The following ABCC9 variants were observed in gnomAD, a reference collection of about 807,000 sequenced individuals.
The protein encoded by ABCC9 is ATP-binding cassette sub-family C member 9.
Under a neutral mutation model 188.3 loss-of-function variants are expected in ABCC9, and 95 were observed. The observed-to-expected ratio is 0.50, with a 90% CI of 0.43 to 0.60. The LOEUF (loss-of-function observed/expected upper bound fraction) is 0.60, where lower values mean the gene tolerates loss of function less well. Among genes scored for constraint, ABCC9 ranks in the 20% least tolerant of loss-of-function variants. The pLI is 0.00. For missense variants in ABCC9, 1,102 were observed against 1,876.3 expected, an observed-to-expected ratio of 0.59 and a Z score of 7.62; for synonymous variants, 659 against 652.7, an observed-to-expected ratio of 1.01 and a Z score of -0.15.
rs1462468885 is a variant in ABCC9, at chr12:21,812,171, A to G, written c.4103-14T>C. The G allele has an allele frequency of 2.7e-6, 4 of 1,465,112 alleles. No individual in the cohort carries two copies. The highest frequency in any genetic ancestry group is 3.8e-6 in the Non-Finnish European group (4 of 1,044,558). 90.8% of individuals were successfully genotyped at this position (1,465,112 alleles called of 1,614,324 possible). Reference sequence around the variant, plus strand: ...TGACAATTTTTCCTGTTAAGGAGAAACAGAAGTTACACACACATAGTAAAA... The same window carrying G: ...TGACAATTTTTCCTGTTAAGGAGAAGCAGAAGTTACACACACATAGTAAAA... On this transcript the variant is annotated splice_polypyrimidine_tract_variant and intron_variant, in intron 35 of 39. Transcript: ENST00000261200.
chr12:21,915,930 A>G lies in ABCC9; in HGVS notation c.574-20T>C, dbSNP rs1948585495. 3 of 1,603,992 alleles carry G rather than the reference A, an allele frequency of 1.9e-6. No homozygotes were observed. The South Asian group carries it at 3.3e-5, about 18-fold the overall frequency. On this transcript the variant is annotated intron_variant, in intron 6 of 39. Transcript: ENST00000261200. ...ATATCTCTGTGGCAAGAAAAATTCC[A>G]CAGTATAACAATTAGTCCAATTATT...
At chr12:21,829,493 A>T (rs149094040) in intron 30 of ABCC9, among the ~76,000 whole-genome samples, 17 of 152,144 alleles carry the variant, frequency 1.1e-4, no homozygotes, top group Middle Eastern at 6.8e-3. Context: ...GTGCCACCGC[A>T]CCCGGCCCAG....
chr12:21,900,979 A>G (rs1028359866), intron 12 of ABCC9, among the ~76,000 whole-genome samples: 1 of 152,204 alleles, frequency 6.6e-6, no homozygotes, highest in Non-Finnish European at 1.5e-5. Flanking sequence ...CCTCGAGAAG[A>G]GCAACTCCAA....
rs558468396 is a variant in ABCC9, at chr12:21,800,301, G to T, written c.*743C>A. ...TTAGCTGGCCTGCCACTGAAAGATT[G>T]AACCTAATCATTCTTTGAACTTCAG... On this transcript the variant is annotated 3_prime_UTR_variant, in exon 40 of 40. Transcript: ENST00000261200. 1 of 152,288 alleles carries T rather than the reference G, an allele frequency of 6.6e-6. No homozygotes were observed. The highest frequency in any genetic ancestry group is 2.4e-5 in the African/African-American group (1 of 41,576). 9.4% of individuals were successfully genotyped at this position (152,288 alleles called of 1,614,324 possible).
intron 23 of ABCC9, 62 bp from the exon 24 acceptor site, chr12:21,852,284 C>G (rs1945008246): frequency 1.2e-6 from 2 of 1,613,068 alleles, no homozygotes; most frequent in South Asian, 1.1e-5. Context: ...AATGAACTAC[C>G]TTTATTTCAG....
chr12:21,849,955 T>C (rs958162318), intron 24 of ABCC9, among the ~76,000 whole-genome samples: 2 of 152,228 alleles, frequency 1.3e-5, no homozygotes, highest in South Asian at 2.1e-4. Flanking sequence ...GTTTACCCCT[T>C]GATCCTTAAA....
intron 14 of ABCC9, among the ~76,000 whole-genome samples, chr12:21,892,389 A>G (rs923793285): frequency 2.0e-5 from 3 of 152,210 alleles, no homozygotes; most frequent in Admixed American, 6.5e-5. Flanking sequence ...CAAATTTCAA[A>G]TAAAAGTGTA....
At chr12:21,886,798 T>A (rs1277947015) in intron 15 of ABCC9, among the ~76,000 whole-genome samples, 1 of 152,090 alleles carries the variant, frequency 6.6e-6, no homozygotes, top group East Asian at 1.9e-4. Flanking sequence ...ACACACCAAA[T>A]TAATTCCTAC....
At chr12:21,828,039 T>A (rs535236284) in intron 31 of ABCC9, among the ~76,000 whole-genome samples, 1 of 152,360 alleles carries the variant, frequency 6.6e-6, no homozygotes, top group East Asian at 1.9e-4. Context: ...AAAGCCTATA[T>A]GTTAGTGAAA....
At chr12:21,858,810 T>G (rs535299000) in intron 22 of ABCC9, among the ~76,000 whole-genome samples, 113 of 152,210 alleles carry the variant, frequency 7.4e-4, no homozygotes, top group African/African-American at 2.7e-3. Context: ...GAGTGAAGAC[T>G]CTAAAAATGT....
At chr12:21,817,546 C>A (rs16924331) in intron 32 of ABCC9, among the ~76,000 whole-genome samples, 2 of 152,128 alleles carry the variant, frequency 1.3e-5, no homozygotes, top group Admixed American at 1.3e-4. Context: ...CCTGATTTCC[C>A]TGCATGATGG....
rs889569693 is a variant in ABCC9, at chr12:21,807,483, A to C, written c.4316-4T>G. 1.2e-6 allele frequency: 2 copies of C among 1,613,752 alleles called. No homozygotes were observed. The highest frequency in any genetic ancestry group is 1.7e-6 in the Non-Finnish European group (2 of 1,179,700). On this transcript the variant is annotated splice_polypyrimidine_tract_variant and splice_region_variant and intron_variant, in intron 37 of 39. Transcript: ENST00000261200. Reference sequence around the variant, plus strand: ...CCACCTTCAGTGACAACCGCATCTAAATCAGAGAAAGAAGCAAGGATTTCA... The same window carrying C: ...CCACCTTCAGTGACAACCGCATCTACATCAGAGAAAGAAGCAAGGATTTCA...
chr12:21,851,035 G>A (rs1944936851), intron 24 of ABCC9, among the ~76,000 whole-genome samples: 1 of 151,926 alleles, frequency 6.6e-6, no homozygotes, highest in Non-Finnish European at 1.5e-5. Flanking sequence ...GGGTTTATCT[G>A]ACTTTGTATC....
At chr12:21,911,004 A>G (rs369345480) in intron 8 of ABCC9, 26 bp from the exon 9 acceptor site, 4 of 1,610,700 alleles carry the variant, frequency 2.5e-6, no homozygotes, top group Admixed American at 1.7e-5. Flanking sequence ...AAAAAGTGTC[A>G]TATTAAAACT....
intron 31 of ABCC9, among the ~76,000 whole-genome samples, chr12:21,822,571 G>A (rs768750468): frequency 5.3e-5 from 8 of 152,052 alleles, no homozygotes; most frequent in Middle Eastern, 3.4e-3. Context: ...AGGTCAAGGC[G>A]GTCAGATCAC....
chr12:21,914,753 A>G (rs1948465007), intron 7 of ABCC9, among the ~76,000 whole-genome samples: 1 of 152,110 alleles, frequency 6.6e-6, no homozygotes, highest in African/African-American at 2.4e-5. Flanking sequence ...ATCCTTCCTC[A>G]TGTATTAATG....
chr12:21,887,983 C>A (rs766289468), intron 14 of ABCC9, 49 bp from the exon 15 acceptor site: 6 of 1,361,544 alleles, frequency 4.4e-6, no homozygotes, highest in Admixed American at 3.4e-5. Flanking sequence ...AAAACCACCA[C>A]CAACAAAGTG....
chr12:21,844,047 T>G (rs1944512642), intron 28 of ABCC9, among the ~76,000 whole-genome samples: 1 of 152,196 alleles, frequency 6.6e-6, no homozygotes, highest in Non-Finnish European at 1.5e-5. Flanking sequence ...TCCTAAAGTA[T>G]CACACCATCT....
chr12:21,907,424 C>G (rs916758191), intron 11 of ABCC9, among the ~76,000 whole-genome samples: 2 of 152,030 alleles, frequency 1.3e-5, no homozygotes, highest in African/African-American at 2.4e-5. Context: ...TTACAGACAG[C>G]CTTGCTCATA....
Sources: gnomAD v4.1 joint callset for allele counts (sites outside exome capture counted in the v4.1 genomes callset) on GRCh38, gnomAD v4.1.1 for gene constraint, MANE v1.5 for transcripts, NCBI Gene and HGNC (gene_info 2026-07-23, HGNC 2026-07-21) for gene names.